The following LRRC31 variants were observed in gnomAD, a reference collection of about 807,000 sequenced individuals.
LRRC31 encodes the protein leucine-rich repeat-containing protein 31.
In LRRC31, 35 loss-of-function variants were observed where a neutral mutation model predicts 46.7. That is an observed-to-expected ratio of 0.75 (90% CI 0.57 to 0.99). The LOEUF (loss-of-function observed/expected upper bound fraction) is 0.99, where lower values mean the gene tolerates loss of function less well. Ranked by LOEUF, LRRC31 falls within the 50% of genes least tolerant of loss-of-function variation. The pLI is 0.00. For synonymous variants in LRRC31, 236 were observed against 235.1 expected (o/e 1.00, Z -0.03); for missense variants, 613 against 626.1 (o/e 0.98, Z 0.22).
chr3:169,850,617 C>T (rs550201369), intron 7 of LRRC31, among the ~76,000 whole-genome samples: 2 of 152,278 alleles, frequency 1.3e-5, no homozygotes, highest in South Asian at 2.1e-4. Flanking sequence ...GCTCTTATGA[C>T]CTTGGGTTAC....
In LRRC31 at chr3:169,856,385, T is replaced by C; in HGVS notation, c.774A>G (p.Val258=). Residue 258 remains valine, a synonymous_variant, in exon 5 of 9, where the codon GTA becomes GTG. Transcript: ENST00000316428. The part of the protein sequence containing the change: ...QGLKSTSNLK[V]LKLHSCGLSQ... Reference sequence around the variant, plus strand: ...ATAATCCACATGAATGTAACTTCAGTACTTTCAGATTTGAGGTGCTTTTTA... The same window carrying C: ...ATAATCCACATGAATGTAACTTCAGCACTTTCAGATTTGAGGTGCTTTTTA... 7.5e-6 allele frequency: 12 copies of C among 1,604,192 alleles called. No individual in the cohort carries two copies. Among genetic ancestry groups the C allele is most frequent in the Non-Finnish European group, 1.0e-5 (12 of 1,175,428 alleles).
At chr3:169,869,234 G>T (rs1409724111) in intron 1 of LRRC31, among the ~76,000 whole-genome samples, 1 of 151,844 alleles carries the variant, frequency 6.6e-6, no homozygotes, top group Non-Finnish European at 1.5e-5. Context: ...AGCTGGGCAT[G>T]GTGGTGCGCA....
At chr3:169,869,283 A>G (rs1295167180) in intron 1 of LRRC31, among the ~76,000 whole-genome samples, 2 of 151,960 alleles carry the variant, frequency 1.3e-5, no homozygotes, top group Non-Finnish European at 2.9e-5. Context: ...AGGCAGGAGA[A>G]TCGCTTGAAC....
In LRRC31 at chr3:169,856,489, T is replaced by G; in HGVS notation, c.670A>C (p.Met224Leu). ...DGTFLGQLLPMLQSLEVLDLS... is the reference protein window; with the variant it reads ...DGTFLGQLLPLLQSLEVLDLS... ...TCAAGTACTTCGAGACTTTGCAGCA[T>G]AGGTAGCAGTTGACCTAGAAGGAAA... Residue 224 changes from methionine to leucine, a missense_variant, in exon 5 of 9, where the codon ATG becomes CTG. Physicochemically the swap from Met to Leu is conservative, Grantham distance 15. Coordinates refer to ENST00000316428, the MANE Select transcript of LRRC31 (RefSeq NM_024727.4). 6.3e-7 allele frequency: 1 copy of G among 1,598,314 alleles called. No homozygotes were observed. The highest frequency in any genetic ancestry group is 8.5e-7 in the Non-Finnish European group (1 of 1,173,568).
intron 7 of LRRC31, among the ~76,000 whole-genome samples, chr3:169,850,185 T>C (rs940285402): frequency 6.6e-6 from 1 of 152,234 alleles, no homozygotes; most frequent in Non-Finnish European, 1.5e-5. Context: ...GTAATTATTA[T>C]TATACATTAA....
At chr3:169,860,221 C>A (rs558865594) in intron 3 of LRRC31, among the ~76,000 whole-genome samples, 11 of 151,478 alleles carry the variant, frequency 7.3e-5, no homozygotes, top group African/African-American at 2.4e-4. Flanking sequence ...TCTTTTTTTT[C>A]TTTTCTTTTC....
In LRRC31 at chr3:169,839,846, A is replaced by T; in HGVS notation, c.*136T>A. On this transcript the variant is annotated 3_prime_UTR_variant, in exon 9 of 9. Transcript: ENST00000316428. Reference sequence around the variant, plus strand: ...ACATATATATATGTAATATATATATATATTTACAAAGCTCTTGTAATATAA... The same window carrying T: ...ACATATATATATGTAATATATATATTTATTTACAAAGCTCTTGTAATATAA... The T allele has an allele frequency of 2.8e-6, 1 of 353,742 alleles. No individual in the cohort carries two copies. The highest frequency in any genetic ancestry group is 5.1e-6 in the Non-Finnish European group (1 of 196,352). The allele number at this position is 353,742 out of a possible 1,614,324, so 21.9% of individuals were successfully genotyped here.
At chr3:169,856,929 C>G in intron 3 of LRRC31, 57 bp from the exon 4 acceptor site, 1 of 1,517,748 alleles carries the variant, frequency 6.6e-7, no homozygotes, top group South Asian at 1.2e-5. Flanking sequence ...GCAGGGAATT[C>G]ATTTCAGAAT....
At chr3:169,869,215 A>C (rs934456336) in intron 1 of LRRC31, among the ~76,000 whole-genome samples, 10 of 151,794 alleles carry the variant, frequency 6.6e-5, no homozygotes, top group African/African-American at 2.4e-4. Context: ...TACTAAAAAC[A>C]CAAAAATTAG....
At chr3:169,854,000 C>T (rs1165697099) in intron 6 of LRRC31, among the ~76,000 whole-genome samples, 1 of 152,190 alleles carries the variant, frequency 6.6e-6, no homozygotes, top group Non-Finnish European at 1.5e-5. Flanking sequence ...AGAGCATGGG[C>T]AAAGGGCCCA....
intron 5 of LRRC31, among the ~76,000 whole-genome samples, 174 bp downstream of exon 5, chr3:169,856,162 T>C (rs1411206077): frequency 6.6e-6 from 1 of 152,126 alleles, no homozygotes; most frequent in South Asian, 2.1e-4. Flanking sequence ...GGATTGCAGA[T>C]GTAAGCCACT....
intron 6 of LRRC31, among the ~76,000 whole-genome samples, chr3:169,852,234 TA>T (rs57252430): frequency 0.084 from 11,151 of 132,320 alleles, 1,386 homozygotes; most frequent in African/African-American, 0.28. Context: ...CCGTCTCTAC[TA>T]AAAAAAAAAA....
chr3:169,864,424 C>G (rs1336120278), intron 1 of LRRC31, among the ~76,000 whole-genome samples: 1 of 152,204 alleles, frequency 6.6e-6, no homozygotes, highest in Non-Finnish European at 1.5e-5. Context: ...GCAGTACAGT[C>G]AAAAGACCTG....
intron 8 of LRRC31, among the ~76,000 whole-genome samples, chr3:169,847,041 T>C (rs571585313): frequency 5.3e-5 from 8 of 152,210 alleles, no homozygotes; most frequent in South Asian, 2.1e-4. Flanking sequence ...TGGCCCTTCA[T>C]TGGGAGGCGC....
In LRRC31 at chr3:169,856,374, T is replaced by C; in HGVS notation, c.785A>G (p.His262Arg). The part of the protein sequence containing the change: ...STSNLKVLKL[H>R]SCGLSQKSVK... ...ACTCTTTTGTGATAATCCACATGAA[T>C]GTAACTTCAGTACTTTCAGATTTGA... The change falls in exon 5 of 9, where the codon CAT (histidine) becomes CGT (arginine). Residue 262 changes from histidine (H) to arginine (R), a missense_variant. His to Arg is a conservative substitution (Grantham distance 29, BLOSUM62 0). Transcript: ENST00000316428. The C allele has an allele frequency of 1.3e-6, 2 of 1,598,904 alleles. No individual in the cohort carries two copies. Among genetic ancestry groups the C allele is most frequent in the Non-Finnish European group, 8.5e-7 (1 of 1,172,732 alleles).
chr3:169,867,061 T>TTG lies in LRRC31; in HGVS notation c.175+2571_175+2572insCA, dbSNP rs1560636159. Among the ~76,000 whole-genome samples the TTG allele has an allele frequency of 7.3e-4, 103 of 141,682 alleles. 2 individuals are homozygous for TTG. The highest frequency in any genetic ancestry group is 2.9e-3 in the African/African-American group (100 of 34,970). The allele number at this position is 141,682 out of a possible 152,430, so 92.9% of individuals were successfully genotyped here. ...GGGTTTTTTTTGTTTGTTTGTTTGT[T>TTG]TTTTTTTTTTTGAGGGTCTTGCTCT... On this transcript the variant is annotated intron_variant, in intron 1 of 8. Transcript: ENST00000316428.
At chr3:169,865,658 C>T (rs972221013) in intron 1 of LRRC31, among the ~76,000 whole-genome samples, 4 of 152,120 alleles carry the variant, frequency 2.6e-5, no homozygotes, top group Admixed American at 1.3e-4. Flanking sequence ...CCACCGTTAC[C>T]GTATAGATGA....
intron 1 of LRRC31, among the ~76,000 whole-genome samples, chr3:169,865,234 A>G (rs1437033371): frequency 1.3e-5 from 2 of 149,390 alleles, no homozygotes; most frequent in Admixed American, 6.6e-5. Flanking sequence ...TGGGCGACAG[A>G]GTAAGGCTCT....
intron 6 of LRRC31, among the ~76,000 whole-genome samples, chr3:169,852,234 TAA>T (rs57252430): frequency 1.5e-4 from 20 of 132,452 alleles, no homozygotes; most frequent in African/African-American, 3.0e-4. Context: ...CCGTCTCTAC[TAA>T]AAAAAAAAAA....
Sources: gnomAD v4.1 joint callset for allele counts (sites outside exome capture counted in the v4.1 genomes callset) on GRCh38, gnomAD v4.1.1 for gene constraint, MANE v1.5 for transcripts, NCBI Gene and HGNC (gene_info 2026-07-23, HGNC 2026-07-21) for gene names.